Variants in ADGRV1 observed in about 807,000 individuals in gnomAD.
The protein encoded by ADGRV1 is G-protein coupled receptor 98.
In ADGRV1, 359 loss-of-function variants were observed where a neutral mutation model predicts 596.2. The ratio of observed to expected loss-of-function variants is 0.60; its 90% CI spans 0.55 to 0.66. The LOEUF (loss-of-function observed/expected upper bound fraction) is 0.66. ADGRV1 is among the 30% of genes least tolerant of loss of function. ADGRV1 has a pLI of 0.00. For missense variants in ADGRV1, 7,274 were observed against 7,575.6 expected, an observed-to-expected ratio of 0.96 and a Z score of 1.48; for synonymous variants, 2,681 against 2,679.2, an observed-to-expected ratio of 1.00 and a Z score of -0.02.
chr5:90,776,476 G>T lies in ADGRV1; in HGVS notation c.12427G>T (p.Gly4143Cys). Reference protein sequence around the residue: ...VKGSASIIIRGDKRASGEVGI... With the variant: ...VKGSASIIIRCDKRASGEVGI... ...AGGTAGTGCATCAATAATTATTCGG[G>T]GTGATAAGCGAGCATCAGGAGAAGT... Residue 4143 changes from glycine to cysteine, a missense_variant, in exon 61 of 90, where the codon GGT becomes TGT. Gly to Cys is a radical substitution (Grantham distance 159, BLOSUM62 -3). Transcript: ENST00000405460. 2.5e-6 allele frequency: 4 copies of T among 1,612,920 alleles called. No individual in the cohort carries two copies. The highest frequency in any genetic ancestry group is 3.4e-6 in the Non-Finnish European group (4 of 1,179,320).
At chr5:90,779,735 A>C (rs1758638489) in intron 64 of ADGRV1, 1 of 152,330 alleles carries the variant, frequency 6.6e-6, no homozygotes, top group Admixed American at 6.5e-5. Context: ...CAGGTTCTGC[A>C]GCTCACAGGT....
intron 4 of ADGRV1, among the ~76,000 whole-genome samples, chr5:90,619,431 T>C (rs1428296423): frequency 1.3e-5 from 2 of 152,174 alleles, no homozygotes; most frequent in African/African-American, 4.8e-5. Context: ...TTGTTCCACC[T>C]GACTCCTTTG....
At chr5:90,987,811 A>T (rs1200457274) in intron 85 of ADGRV1, among the ~76,000 whole-genome samples, 2 of 151,996 alleles carry the variant, frequency 1.3e-5, no homozygotes, top group African/African-American at 4.8e-5. Flanking sequence ...GAAGAATTTT[A>T]AAATTCTTAG....
chr5:90,588,241 A>G (rs750866129), intron 1 of ADGRV1, among the ~76,000 whole-genome samples: 1 of 152,238 alleles, frequency 6.6e-6, no homozygotes, highest in Non-Finnish European at 1.5e-5. Context: ...ATGATTATCT[A>G]TAGAGGGAGG....
intron 83 of ADGRV1, among the ~76,000 whole-genome samples, chr5:90,883,216 T>C (rs1769960639): frequency 6.6e-6 from 1 of 152,152 alleles, no homozygotes; most frequent in Non-Finnish European, 1.5e-5. Context: ...TCATGACAGA[T>C]AATACTAAAA....
At chr5:90,884,560 G>GT (rs1357649852) in intron 83 of ADGRV1, among the ~76,000 whole-genome samples, 2 of 152,096 alleles carry the variant, frequency 1.3e-5, no homozygotes, top group Admixed American at 6.5e-5. Context: ...TTAGTGGTAT[G>GT]TATCAGGTGC....
chr5:90,562,227 A>G (rs1015493191), intron 1 of ADGRV1, among the ~76,000 whole-genome samples: 3 of 152,250 alleles, frequency 2.0e-5, no homozygotes, highest in Non-Finnish European at 2.9e-5. Flanking sequence ...GAAGATAAAC[A>G]TACTACTAAT....
intron 83 of ADGRV1, among the ~76,000 whole-genome samples, chr5:90,938,695 C>G (rs903856803): frequency 6.6e-6 from 1 of 152,168 alleles, no homozygotes; most frequent in Non-Finnish European, 1.5e-5. Flanking sequence ...AAAATCTCTA[C>G]CCTCTTGGAA....
intron 77 of ADGRV1, among the ~76,000 whole-genome samples, chr5:90,832,063 C>G (rs1441004735): frequency 1.3e-5 from 2 of 152,018 alleles, no homozygotes; most frequent in Non-Finnish European, 2.9e-5. Flanking sequence ...CTCTTTGATA[C>G]ACTTTCTTTT....
chr5:90,796,822 A>G (rs943559945), intron 70 of ADGRV1, among the ~76,000 whole-genome samples: 1 of 152,140 alleles, frequency 6.6e-6, no homozygotes, highest in Admixed American at 6.5e-5. Flanking sequence ...AATATTCAAC[A>G]TTCTTAAAGA....
At chr5:91,083,445 A>G (rs1293341492) in intron 86 of ADGRV1, among the ~76,000 whole-genome samples, 4 of 152,314 alleles carry the variant, frequency 2.6e-5, no homozygotes, top group African/African-American at 9.6e-5. Context: ...CTAATGCTGT[A>G]CTCAACAGTT....
intron 84 of ADGRV1, among the ~76,000 whole-genome samples, chr5:90,974,941 A>C (rs1222745217): frequency 6.6e-6 from 1 of 152,250 alleles, no homozygotes; most frequent in South Asian, 2.1e-4. Flanking sequence ...AAAGTTTTGC[A>C]ACCTACTCAT....
At chr5:90,644,577 A>G (rs1285167285) in intron 14 of ADGRV1, 129 bp from the exon 15 acceptor site, 1 of 697,064 alleles carries the variant, frequency 1.4e-6, no homozygotes, top group East Asian at 2.7e-5. Context: ...AAACTGTGCT[A>G]AGCAAATAGT....
Position 90,674,079 on chromosome 5 carries a change from A to G in ADGRV1, c.4955A>G (p.Asp1652Gly). Reference protein sequence around the residue: ...SEVLNIYVLDDDIPELNEYFR... With the variant: ...SEVLNIYVLDGDIPELNEYFR... ...GTTCTGAATATATATGTTCTTGATG[A>G]TGATATTCCTGAACTTAATGAGTAT... is the stretch of plus-strand genomic sequence containing the variant. Residue 1652 changes from aspartate (D) to glycine (G), a missense_variant, in exon 23 of 90, where the codon GAT (aspartate) becomes GGT (glycine). By Grantham distance (94) the Asp-to-Gly change is moderately conservative. Around this residue, in one of 5 missense-constraint regions of ADGRV1, gnomAD observed 3,643 missense variants for 3,809.2 expected, o/e 0.96. Coordinates refer to ENST00000405460, the MANE Select transcript of ADGRV1 (RefSeq NM_032119.4). 6.2e-7 allele frequency: 1 copy of G among 1,612,158 alleles called. No homozygotes were observed. Among genetic ancestry groups the G allele is most frequent in the Non-Finnish European group, 8.5e-7 (1 of 1,178,634 alleles).
chr5:91,089,582 A>G (rs1790206845), intron 86 of ADGRV1, among the ~76,000 whole-genome samples: 1 of 152,184 alleles, frequency 6.6e-6, no homozygotes, highest in African/African-American at 2.4e-5. Context: ...GACATTTATG[A>G]TAACTCATTC....
intron 87 of ADGRV1, among the ~76,000 whole-genome samples, chr5:91,131,672 A>C (rs1294875824): frequency 1.3e-5 from 2 of 151,664 alleles, no homozygotes; most frequent in Non-Finnish European, 2.9e-5. Flanking sequence ...TGTTTAAGTT[A>C]CTTATAGATT....
At chr5:91,041,636 TAA>T (rs879488795) in intron 85 of ADGRV1, among the ~76,000 whole-genome samples, 3 of 142,668 alleles carry the variant, frequency 2.1e-5, no homozygotes, top group Non-Finnish European at 1.5e-5. Context: ...AAAGTATAAT[TAA>T]AAAAAAAAAA....
chr5:90,713,799 T>A (rs891070127), intron 42 of ADGRV1, among the ~76,000 whole-genome samples: 6 of 152,168 alleles, frequency 3.9e-5, no homozygotes, highest in African/African-American at 1.4e-4. Context: ...ATTACATAGG[T>A]GACATGCCCA....
chr5:90,861,952 G>A (rs1037458874), intron 82 of ADGRV1, among the ~76,000 whole-genome samples: 6 of 152,122 alleles, frequency 3.9e-5, no homozygotes, highest in Non-Finnish European at 8.8e-5. Context: ...AACGCATCTA[G>A]ATAACTATGA....
Sources: allele counts gnomAD v4.1 joint callset (sites outside exome capture counted in the v4.1 genomes callset), GRCh38; gene constraint gnomAD v4.1.1; regional missense constraint gnomAD v4.1.1; transcripts MANE v1.5; gene names NCBI Gene and HGNC (gene_info 2026-07-23, HGNC 2026-07-21).